Variants in ENSA observed in about 807,000 individuals in gnomAD.
ENSA encodes alpha-endosulfine.
In ENSA, 7 loss-of-function variants were observed where a neutral mutation model predicts 16.8. The observed-to-expected ratio is 0.42, with a 90% confidence interval of 0.24 to 0.78. ENSA has a LOEUF of 0.78. Ranked by LOEUF, ENSA falls within the 30% of genes least tolerant of loss-of-function variation. The pLI, the probability that ENSA is intolerant of heterozygous loss-of-function variation, is 0.29. For synonymous variants in ENSA, 58 were observed against 53.4 expected (o/e 1.09, Z -0.37); for missense variants, 87 against 142.3 (o/e 0.61, Z 1.98).
At chr1:150,623,717 T>C (rs1220591059) in intron 3 of ENSA, 1 of 985,626 alleles carries the variant, frequency 1.0e-6, no homozygotes, top group Non-Finnish European at 1.2e-6. Context: ...GTGTTCAGCA[T>C]TTTCCCCTTC....
intron 1 of ENSA, 95 bp downstream of exon 1, chr1:150,629,319 C>G: frequency 6.4e-7 from 1 of 1,554,080 alleles, no homozygotes; most frequent in Non-Finnish European, 8.7e-7. Flanking sequence ...CCTGCGGAGC[C>G]TGAGACCATG....
intron 2 of ENSA, 94 bp downstream of exon 2, chr1:150,627,373 C>T (rs78646592): frequency 0.023 from 37,168 of 1,611,504 alleles, 519 homozygotes; most frequent in Non-Finnish European, 0.027. Context: ...AACAACAAAA[C>T]CTCCAGAAAA....
intron 1 of ENSA, 42 bp from the exon 2 acceptor site, chr1:150,627,634 A>G: frequency 6.3e-7 from 1 of 1,576,210 alleles, no homozygotes. Flanking sequence ...AAGACTGAGA[A>G]ACAACAGCTT....
intron 1 of ENSA, among the ~76,000 whole-genome samples, chr1:150,628,299 G>A (rs1485625801): frequency 6.6e-6 from 1 of 152,168 alleles, no homozygotes; most frequent in Non-Finnish European, 1.5e-5. Flanking sequence ...ATCTCCACCT[G>A]AGTAATGGCA....
chr1:150,628,970 C>T (rs1238754964), intron 1 of ENSA: 9 of 1,386,802 alleles, frequency 6.5e-6, no homozygotes, highest in Non-Finnish European at 9.2e-6. Flanking sequence ...TCCCCTCCCC[C>T]AATACTGGTT....
chr1:150,627,487 T>G lies in ENSA; in HGVS notation c.163A>C (p.Met55Leu). Residue 55 changes from methionine to leucine, a missense_variant, in exon 2 of 4, where the codon ATG (methionine) becomes CTG (leucine). Met to Leu is a conservative substitution (Grantham distance 15). Coordinates refer to ENST00000369014, the MANE Select transcript of ENSA (RefSeq NM_004436.4). Reference sequence around the variant, plus strand: ...CATACCCCTTTCTGGAGTCTCTTCATGAGGAAGTCGGAGCCTCCAGGCTTT... The same window carrying G: ...CATACCCCTTTCTGGAGTCTCTTCAGGAGGAAGTCGGAGCCTCCAGGCTTT... The part of the protein sequence containing the change: ...GQKPGGSDFL[M>L]KRLQKGQKYF... 4 of 1,614,220 alleles carry G rather than the reference T, an allele frequency of 2.5e-6. No individual in the cohort carries two copies. Among genetic ancestry groups the G allele is most frequent in the Non-Finnish European group, 3.4e-6 (4 of 1,180,030 alleles).
chr1:150,621,283 TA>T (rs1483768033), downstream of ENSA: 3 of 152,274 alleles, frequency 2.0e-5, no homozygotes, highest in African/African-American at 4.8e-5. Context: ...TTTATTCATT[TA>T]TTTTTTTTAG....
At chr1:150,626,575 G>T in intron 2 of ENSA, 2 of 1,432,630 alleles carry the variant, frequency 1.4e-6, no homozygotes, top group East Asian at 2.3e-5. Flanking sequence ...ATTTTTTTTT[G>T]AGATGGAGCC....
chr1:150,628,305 T>TG (rs2101749759), intron 1 of ENSA, among the ~76,000 whole-genome samples: 1 of 152,278 alleles, frequency 6.6e-6, no homozygotes, highest in South Asian at 2.1e-4. Context: ...ACCTGAGTAA[T>TG]GGCACAGCCT....
chr1:150,629,568 T>C lies in ENSA; in HGVS notation c.-98A>G. On this transcript the variant is annotated 5_prime_UTR_variant, in exon 1 of 4. Coordinates refer to ENST00000369014, the MANE Select transcript of ENSA (RefSeq NM_004436.4). Reference sequence around the variant, plus strand: ...GGACAACCTGCGCTGCTGCTTCGGCTCCTGTCACTAGGGTTGCTCAGTCAA... The same window carrying C: ...GGACAACCTGCGCTGCTGCTTCGGCCCCTGTCACTAGGGTTGCTCAGTCAA... 2 of 1,471,874 alleles carry C rather than the reference T, an allele frequency of 1.4e-6. No individual in the cohort carries two copies. Among genetic ancestry groups the C allele is most frequent in the Middle Eastern group, 2.5e-4 (1 of 3,974 alleles). 91.2% of individuals were successfully genotyped at this position (1,471,874 alleles called of 1,614,324 possible).
intron 2 of ENSA, chr1:150,626,439 A>C: frequency 6.3e-7 from 1 of 1,588,056 alleles, no homozygotes; most frequent in Non-Finnish European, 8.6e-7. Flanking sequence ...TGTGACTAAG[A>C]CTCAATAACT....
chr1:150,623,062 A>G (rs953792870), intron 3 of ENSA, among the ~76,000 whole-genome samples: 2 of 152,222 alleles, frequency 1.3e-5, no homozygotes, highest in African/African-American at 4.8e-5. Context: ...CCTATCCACG[A>G]AACAACGTTA....
intron 1 of ENSA, chr1:150,628,980 T>A (rs949712869): frequency 2.0e-6 from 3 of 1,497,402 alleles, no homozygotes; most frequent in South Asian, 1.1e-5. Flanking sequence ...CAATACTGGT[T>A]TTTTTTTAAA....
intron 1 of ENSA, among the ~76,000 whole-genome samples, chr1:150,628,267 A>G (rs191919825): frequency 5.9e-4 from 90 of 152,224 alleles, no homozygotes; most frequent in African/African-American, 2.0e-3. Flanking sequence ...GGAGGCGGCT[A>G]GCTATGTGGC....
rs200916561 is a variant in ENSA at position 150,629,040 on chromosome 1, C to A, written c.57+374G>T. ...TGCGGATTGAGGCTGCGGGCCCCAG[C>A]CCGGTTGCTGGGTCACTTACCTCTA... On this transcript the variant is annotated intron_variant, in intron 1 of 3. Coordinates refer to ENST00000369014, the MANE Select transcript of ENSA (RefSeq NM_004436.4). 8 of 1,613,964 alleles carry A rather than the reference C, an allele frequency of 5.0e-6. No homozygotes were observed. In the Admixed American group the frequency reaches 8.3e-5, roughly 17 times the overall value.
chr1:150,626,849 T>A (rs1276761109), intron 2 of ENSA, among the ~76,000 whole-genome samples: 1 of 152,130 alleles, frequency 6.6e-6, no homozygotes, highest in Non-Finnish European at 1.5e-5. Flanking sequence ...TGGCCAAATT[T>A]TTTTTTTAAA....
chr1:150,629,476 G>A lies in ENSA; in HGVS notation c.-6C>T. Reference sequence around the variant, plus strand: ...TCTTCTTGTTTCTGGGACATGGCGGGACCGGGACTGTGGAGTGTAAGGGGC... The same window carrying A: ...TCTTCTTGTTTCTGGGACATGGCGGAACCGGGACTGTGGAGTGTAAGGGGC... On this transcript the variant is annotated 5_prime_UTR_variant, in exon 1 of 4. Coordinates refer to ENST00000369014, the MANE Select transcript of ENSA (RefSeq NM_004436.4). 1 of 1,613,536 alleles carries A rather than the reference G, an allele frequency of 6.2e-7. No homozygotes were observed. Among genetic ancestry groups the A allele is most frequent in the African/African-American group, 1.3e-5 (1 of 75,002 alleles).
At chr1:150,624,603 A>AT in intron 3 of ENSA, 1 of 985,740 alleles carries the variant, frequency 1.0e-6, no homozygotes, top group Non-Finnish European at 1.2e-6. Flanking sequence ...CAAGACTGTG[A>AT]TATCTATAAG....
At chr1:150,623,935 C>A (rs7517) in intron 3 of ENSA, 94,756 of 985,206 alleles carry the variant, frequency 0.096, 5,615 homozygotes, top group African/African-American at 0.26. Flanking sequence ...CATATACACA[C>A]CTCATCCCCC....
Sources: allele counts gnomAD v4.1 joint callset (sites outside exome capture counted in the v4.1 genomes callset), GRCh38; gene constraint gnomAD v4.1.1; transcripts MANE v1.5; gene names NCBI Gene and HGNC (gene_info 2026-07-23, HGNC 2026-07-21).